Variants in CP observed in about 807,000 individuals in gnomAD.
CP encodes the protein ceruloplasmin.
In CP, 64 loss-of-function variants were observed where a neutral mutation model predicts 122.4. That is an observed-to-expected ratio of 0.52 (90% CI 0.43 to 0.64). The LOEUF (loss-of-function observed/expected upper bound fraction) is 0.64, where lower values mean the gene tolerates loss of function less well. Among genes scored for constraint, CP ranks in the 30% least tolerant of loss-of-function variants. The probability of loss-of-function intolerance (pLI) is 0.00; values close to 1 mark genes in which losing one functional copy is unlikely to be tolerated. For synonymous variants in CP, 440 were observed against 436.4 expected, an observed-to-expected ratio of 1.01 and a Z score of -0.10; for missense variants, 1,167 against 1,284.4, an observed-to-expected ratio of 0.91 and a Z score of 1.40.
At chr3:149,162,845 T>A in exon 6 of CP, 2 of 1,613,998 alleles carry the variant, frequency 1.2e-6, no homozygotes, top group East Asian at 4.5e-5. Flanking sequence ...GGCAGCCTCC[T>A]GACACCACAC....
At chr3:149,219,634 T>C (rs1365408836) in intron 1 of CP, among the ~76,000 whole-genome samples, 1 of 151,888 alleles carries the variant, frequency 6.6e-6, no homozygotes, top group Non-Finnish European at 1.5e-5. Flanking sequence ...CTCTTTTTCT[T>C]TATAAATTAC....
chr3:149,175,884 G>GA (rs895207270), intron 18 of CP: 5 of 193,940 alleles, frequency 2.6e-5, no homozygotes, highest in East Asian at 2.9e-4. Context: ...GTGCCACCTA[G>GA]AAAAAAAATT....
chr3:149,192,423 G>A (rs950404370), intron 9 of CP, among the ~76,000 whole-genome samples: 1 of 151,480 alleles, frequency 6.6e-6, no homozygotes, highest in Non-Finnish European at 1.5e-5. Flanking sequence ...TTAAGATACT[G>A]ACTAAACTGT....
At chr3:149,176,462 A>C (rs1271403278) in intron 17 of CP, 50 bp from the exon 18 acceptor site, 19 of 1,374,156 alleles carry the variant, frequency 1.4e-5, no homozygotes, top group Non-Finnish European at 2.0e-5. Context: ...ATGAGAGTTC[A>C]CTCATGTCAT....
chr3:149,170,421 C>G (rs1576714248), downstream of CP: 1 of 152,184 alleles, frequency 6.6e-6, no homozygotes, highest in African/African-American at 2.4e-5. Context: ...TTAGTAGTTG[C>G]TGTTTATTAA....
At position 149,211,320 on chromosome 3, in the gene CP, A is replaced by G. The variant is rs189652673; in HGVS notation, c.395-941T>C. 4.6e-5 allele frequency among the ~76,000 whole-genome samples: 7 copies of G among 152,322 alleles called. No homozygotes were observed. In the East Asian group the frequency reaches 1.3e-3, roughly 29 times the overall value. ...AGCTGATAGTTATTGAGGTATTACT[A>G]TGTATTCTTATTATCTCTATTTTAT... On this transcript the variant is annotated intron_variant, in intron 2 of 18. Coordinates refer to ENST00000264613, the MANE Select transcript of CP (RefSeq NM_000096.4).
intron 17 of CP, among the ~76,000 whole-genome samples, chr3:149,177,454 C>T (rs1725491136): frequency 6.6e-6 from 1 of 152,112 alleles, no homozygotes; most frequent in Admixed American, 6.5e-5. Flanking sequence ...AGGAATGCCC[C>T]CATACCAAAA....
At chr3:149,218,529 C>T (rs1728607999) in intron 1 of CP, among the ~76,000 whole-genome samples, 1 of 152,066 alleles carries the variant, frequency 6.6e-6, no homozygotes, top group African/African-American at 2.4e-5. Flanking sequence ...ACATTTTTCT[C>T]TTTTAATATC....
intron 5 of CP, among the ~76,000 whole-genome samples, chr3:149,164,755 C>A (rs1724236690): frequency 6.6e-6 from 1 of 152,192 alleles, no homozygotes; most frequent in South Asian, 2.1e-4. Flanking sequence ...CGCAGCCCCT[C>A]CTTGGGCAGT....
intron 1 of CP, among the ~76,000 whole-genome samples, chr3:149,214,435 T>C (rs1264346477): frequency 6.6e-6 from 1 of 152,202 alleles, no homozygotes; most frequent in Non-Finnish European, 1.5e-5. Flanking sequence ...CCAATTTTCC[T>C]GAATTGTATA....
chr3:149,175,664 A>AGTGTGTGTGTGTGTGTGTGT (rs60005904), intron 18 of CP, among the ~76,000 whole-genome samples: 2,348 of 145,600 alleles, frequency 0.016, 27 homozygotes, highest in Middle Eastern at 0.031. Context: ...CTCCATTTTA[A>AGTGTGTGTGTGTGTGTGTGT]GTGTGTGTGT....
Position 149,206,337 on chromosome 3 carries a change from C to G in CP, c.1039G>C (p.Gly347Arg). 1 of 1,613,684 alleles carries G rather than the reference C, an allele frequency of 6.2e-7. No individual in the cohort carries two copies. Among genetic ancestry groups the G allele is most frequent in the Non-Finnish European group, 8.5e-7 (1 of 1,179,754 alleles). ...SCQNLNHLKA[G>R]LQAFFQVQEC... The stretch of plus-strand genomic sequence containing the variant: ...TGGACCTGGAAAAAGGCTTGCAAAC[C>G]GGCTGAAATGAAACAGAAAGAGGCA... The change falls in exon 6 of 19, where the codon GGT becomes CGT. Residue 347 changes from glycine to arginine, a missense_variant and splice_region_variant. By Grantham distance (125) the Gly-to-Arg change is moderately radical. This residue lies in a region of CP where 642 missense variants were observed against 627.3 expected (regional missense o/e 1.02). Transcript: ENST00000264613.
At chr3:149,206,614 G>A (rs535211830) in intron 5 of CP, among the ~76,000 whole-genome samples, 1 of 152,146 alleles carries the variant, frequency 6.6e-6, no homozygotes, top group African/African-American at 2.4e-5. Context: ...GTTTCACTTG[G>A]TAGTTCTTTC....
intron 9 of CP, among the ~76,000 whole-genome samples, chr3:149,194,887 A>T (rs1576754723): frequency 6.6e-6 from 1 of 152,172 alleles, no homozygotes; most frequent in East Asian, 1.9e-4. Flanking sequence ...AAGAAGAGAA[A>T]TGAGACATAG....
chr3:149,191,529 A>G (rs955610695), intron 9 of CP, among the ~76,000 whole-genome samples: 2 of 152,046 alleles, frequency 1.3e-5, no homozygotes, highest in South Asian at 4.1e-4. Context: ...TTAGTGGTAA[A>G]ATAAACAGAG....
chr3:149,167,202 A>G, intron 4 of CP: 1 of 1,613,864 alleles, frequency 6.2e-7, no homozygotes, highest in Non-Finnish European at 8.5e-7. Context: ...GGAGGCAGTC[A>G]TTCCATATGC....
chr3:149,184,277 C>T (rs1437465168), intron 12 of CP, among the ~76,000 whole-genome samples: 3 of 151,900 alleles, frequency 2.0e-5, no homozygotes, highest in Non-Finnish European at 4.4e-5. Context: ...CCTCGTGATC[C>T]GCCCGCCTCG....
At chr3:149,170,455 C>T (rs968924818), downstream of CP, 12 of 152,178 alleles carry the variant, frequency 7.9e-5, no homozygotes, top group African/African-American at 2.7e-4. Flanking sequence ...GTCAGATGTG[C>T]ATCATTGTAT....
At chr3:149,211,237 C>T (rs1476917167) in intron 2 of CP, among the ~76,000 whole-genome samples, 1 of 152,118 alleles carries the variant, frequency 6.6e-6, no homozygotes, top group Non-Finnish European at 1.5e-5. Context: ...TTTCCCTATT[C>T]GATCATTATA....
Sources: allele counts gnomAD v4.1 joint callset (sites outside exome capture counted in the v4.1 genomes callset), GRCh38; gene constraint gnomAD v4.1.1; regional missense constraint gnomAD v4.1.1; transcripts MANE v1.5; gene names NCBI Gene and HGNC (gene_info 2026-07-23, HGNC 2026-07-21).